ENKUR: variants seen among roughly 807,000 people sequenced by gnomAD.
The protein encoded by ENKUR is enkurin, TRPC channel interacting protein.
A neutral mutation model predicts 27.6 loss-of-function variants in ENKUR; 19 were observed. That is an observed-to-expected ratio of 0.69 (90% CI 0.48 to 1.01). ENKUR has a LOEUF of 1.01. Ranked by LOEUF, ENKUR falls within the 50% of genes least tolerant of loss-of-function variation. The pLI is 0.00. For synonymous variants in ENKUR, 117 were observed against 96.9 expected (o/e 1.21, Z -1.22); for missense variants, 312 against 310.5 (o/e 1.00, Z -0.04).
At chr10:25,015,210 T>C (rs1287393760) in intron 1 of ENKUR, among the ~76,000 whole-genome samples, 2 of 152,218 alleles carry the variant, frequency 1.3e-5, no homozygotes, top group African/African-American at 4.8e-5. Context: ...ATTTGGAGAA[T>C]TTAAGAGGTT....
intron 1 of ENKUR, among the ~76,000 whole-genome samples, chr10:25,000,289 A>G (rs1389828216): frequency 2.0e-5 from 3 of 152,156 alleles, no homozygotes; most frequent in African/African-American, 7.2e-5. Flanking sequence ...AAAAGAAAGT[A>G]TGTTGTGCCG....
intron 2 of ENKUR, among the ~76,000 whole-genome samples, chr10:25,036,852 A>G (rs918860431): frequency 6.6e-6 from 1 of 152,158 alleles, no homozygotes; most frequent in African/African-American, 2.4e-5. Context: ...AGCCCTGGAC[A>G]ATTGCCTGCT....
intron 2 of ENKUR, among the ~76,000 whole-genome samples, chr10:25,033,736 T>A (rs933452178): frequency 6.6e-6 from 1 of 152,122 alleles, no homozygotes; most frequent in Non-Finnish European, 1.5e-5. Flanking sequence ...AAGTGCAACA[T>A]AAAATTTGTA....
At chr10:25,058,738 C>A (rs1851290592) in intron 2 of ENKUR, among the ~76,000 whole-genome samples, 1 of 151,970 alleles carries the variant, frequency 6.6e-6, no homozygotes, top group Non-Finnish European at 1.5e-5. Context: ...CGAGACCAGC[C>A]TGGCCAACAT....
chr10:25,053,788 A>T (rs565664716), intron 2 of ENKUR, among the ~76,000 whole-genome samples: 52 of 150,788 alleles, frequency 3.4e-4, no homozygotes, highest in African/African-American at 1.2e-3. Flanking sequence ...TTTACCCAGC[A>T]CTGATTTTTT....
intron 2 of ENKUR, among the ~76,000 whole-genome samples, chr10:25,054,457 TTTTCTTTCTTTC>T (rs55635166): frequency 1.5e-3 from 147 of 100,938 alleles, no homozygotes; most frequent in South Asian, 7.2e-3. Flanking sequence ...GTTTTTTCTC[TTTTCTTTCTTTC>T]TTTCTTTCTT....
chr10:25,015,738 C>T (rs1850553954), intron 1 of ENKUR, 122 bp downstream of exon 1: 3 of 876,232 alleles, frequency 3.4e-6, no homozygotes, highest in African/African-American at 3.5e-5. Flanking sequence ...TCCTCCAAGG[C>T]TACTTCATCG....
intron 2 of ENKUR, chr10:25,025,377 G>A: frequency 6.2e-7 from 1 of 1,614,202 alleles, no homozygotes; most frequent in Non-Finnish European, 8.5e-7. Flanking sequence ...AAGAGAAGAT[G>A]GAGTACCAGG....
intron 2 of ENKUR, among the ~76,000 whole-genome samples, chr10:25,027,344 A>G (rs12769388): frequency 0.26 from 31,905 of 123,426 alleles, 4,645 homozygotes; most frequent in East Asian, 0.47. Context: ...GTGACAGAGC[A>G]AGACTCCCGT....
At chr10:25,018,406 G>A (rs1018532720), upstream of ENKUR, among the ~76,000 whole-genome samples, 3 of 152,216 alleles carry the variant, frequency 2.0e-5, no homozygotes, top group African/African-American at 7.2e-5. Context: ...GGGGTAGACA[G>A]TAAATATTTC....
chr10:25,041,443 G>A (rs1851063437), intron 2 of ENKUR, among the ~76,000 whole-genome samples: 1 of 151,814 alleles, frequency 6.6e-6, no homozygotes, highest in Non-Finnish European at 1.5e-5. Context: ...ACCAAATATT[G>A]GAAAGCTTTT....
At chr10:25,024,069 C>G (rs748185340) in intron 2 of ENKUR, 8 of 1,614,136 alleles carry the variant, frequency 5.0e-6, no homozygotes, top group Non-Finnish European at 6.8e-6. Context: ...AGTGGAAAAG[C>G]CTAGTAGGAG....
intron 1 of ENKUR, among the ~76,000 whole-genome samples, chr10:25,000,975 T>C (rs1850177852): frequency 6.6e-6 from 1 of 152,122 alleles, no homozygotes. Flanking sequence ...TGAGAACCTT[T>C]CAAAAGAATA....
intron 1 of ENKUR, among the ~76,000 whole-genome samples, chr10:25,006,832 C>T (rs1417823246): frequency 1.3e-5 from 2 of 152,196 alleles, no homozygotes; most frequent in African/African-American, 4.8e-5. Context: ...AGATTTGTGT[C>T]TCGATCTCAG....
intron 4 of ENKUR, among the ~76,000 whole-genome samples, chr10:24,989,417 G>A (rs191378424): frequency 5.3e-5 from 8 of 152,260 alleles, no homozygotes; most frequent in South Asian, 4.2e-4. Flanking sequence ...GGGACATGCC[G>A]TCACTCTACA....
At chr10:24,991,521 A>G (rs79459523) in intron 3 of ENKUR, among the ~76,000 whole-genome samples, 5,592 of 152,098 alleles carry the variant, frequency 0.037, 245 homozygotes, top group African/African-American at 0.11. Context: ...AGAGCACACC[A>G]ATGGGCACCA....
At chr10:25,020,071 C>T (rs79307167), upstream of ENKUR, among the ~76,000 whole-genome samples, 200 of 151,994 alleles carry the variant, frequency 1.3e-3, 3 homozygotes, top group East Asian at 0.034. Flanking sequence ...TTAAATGTTA[C>T]AAAATAAAAT....
In ENKUR at chr10:24,990,521, T is replaced by A; in HGVS notation, c.536A>T (p.Asn179Ile). ...QEDYDRYIQENLKKAAMKRLS... is the reference protein window; with the variant it reads ...QEDYDRYIQEILKKAAMKRLS... ...CCTTTTCATAGCTGCTTTCTTAAGGTTTTCCTGGATATAACGATCATAGTC... is the reference window on the plus strand; with the variant it reads ...CCTTTTCATAGCTGCTTTCTTAAGGATTTCCTGGATATAACGATCATAGTC... The change falls in exon 4 of 6, where the codon AAC (asparagine) becomes ATC (isoleucine). Residue 179 changes from asparagine (N) to isoleucine (I), a missense_variant. Transcript: ENST00000331161. 1 of 1,614,022 alleles carries A rather than the reference T, an allele frequency of 6.2e-7. No individual in the cohort carries two copies. Among genetic ancestry groups the A allele is most frequent in the Non-Finnish European group, 8.5e-7 (1 of 1,180,006 alleles).
At chr10:25,038,027 T>C (rs1186633933) in intron 2 of ENKUR, among the ~76,000 whole-genome samples, 1 of 152,210 alleles carries the variant, frequency 6.6e-6, no homozygotes. Context: ...TTTAAGCTTA[T>C]TGGGCAGCCT....
Sources: gnomAD v4.1 joint callset for allele counts (sites outside exome capture counted in the v4.1 genomes callset) on GRCh38, gnomAD v4.1.1 for gene constraint, MANE v1.5 for transcripts, NCBI Gene and HGNC (gene_info 2026-07-23, HGNC 2026-07-21) for gene names.